The following SLC39A11 variants were observed in gnomAD, a reference collection of about 807,000 sequenced individuals.
The protein encoded by SLC39A11 is zinc transporter ZIP11.
Under a neutral mutation model 36.1 loss-of-function variants are expected in SLC39A11, and 33 were observed. The ratio of observed to expected loss-of-function variants is 0.91; its 90% CI spans 0.69 to 1.22. The LOEUF (loss-of-function observed/expected upper bound fraction) is 1.22, where lower values mean the gene tolerates loss of function less well. Ranked by LOEUF, SLC39A11 falls within the 50% of genes most tolerant of loss-of-function variation. The probability of loss-of-function intolerance (pLI) is 0.00; values close to 1 mark genes in which losing one functional copy is unlikely to be tolerated. For missense variants in SLC39A11, 432 were observed against 430.3 expected (o/e 1.00, Z -0.03); for synonymous variants, 166 against 170.3 (o/e 0.97, Z 0.20).
chr17:72,917,904 A>G (rs994516264), intron 5 of SLC39A11, among the ~76,000 whole-genome samples: 19 of 152,348 alleles, frequency 1.2e-4, no homozygotes, highest in African/African-American at 4.1e-4. Flanking sequence ...AAGGTCTCTG[A>G]TGAGGTGAGG....
chr17:72,895,115 G>A (rs1331013872), intron 5 of SLC39A11, among the ~76,000 whole-genome samples: 3 of 152,206 alleles, frequency 2.0e-5, no homozygotes, highest in African/African-American at 4.8e-5. Flanking sequence ...TAGTCGCATT[G>A]GTGGGTGCTA....
intron 5 of SLC39A11, among the ~76,000 whole-genome samples, chr17:72,916,789 C>T (rs746764279): frequency 1.4e-4 from 22 of 152,252 alleles, no homozygotes; most frequent in Admixed American, 2.6e-4. Context: ...TCCCCATCTC[C>T]CTCCGCACCT....
chr17:72,985,408 T>TTTTTTA (rs386386575), intron 4 of SLC39A11, among the ~76,000 whole-genome samples: 7 of 51,394 alleles, frequency 1.4e-4, no homozygotes, highest in Admixed American at 1.1e-3. Flanking sequence ...GGGGCCTGCC[T>TTTTTTA]TTTTTTTTTT....
intron 5 of SLC39A11, among the ~76,000 whole-genome samples, chr17:72,946,074 C>G (rs1211113911): frequency 6.6e-6 from 1 of 152,160 alleles, no homozygotes; most frequent in African/African-American, 2.4e-5. Context: ...ACAGAAAAGG[C>G]CTGTGGCCTT....
chr17:72,827,074 T>G (rs557659105), intron 6 of SLC39A11, among the ~76,000 whole-genome samples: 1 of 152,360 alleles, frequency 6.6e-6, no homozygotes, highest in African/African-American at 2.4e-5. Flanking sequence ...CTATTCATAA[T>G]AGTCCAACAG....
intron 7 of SLC39A11, among the ~76,000 whole-genome samples, chr17:72,662,848 C>CA (rs1435678529): frequency 2.0e-5 from 3 of 152,090 alleles, no homozygotes; most frequent in Admixed American, 2.0e-4. Flanking sequence ...GAAAGACAGG[C>CA]ACACACATCC....
intron 5 of SLC39A11, among the ~76,000 whole-genome samples, chr17:72,877,251 G>A (rs1041612160): frequency 3.9e-5 from 6 of 152,204 alleles, no homozygotes; most frequent in Non-Finnish European, 7.3e-5. Context: ...AAAAGGCTTT[G>A]TGATCAAATG....
intron 7 of SLC39A11, among the ~76,000 whole-genome samples, chr17:72,676,291 C>A (rs1181100297): frequency 6.6e-6 from 1 of 152,056 alleles, no homozygotes; most frequent in Non-Finnish European, 1.5e-5. Flanking sequence ...GGGAGGGACC[C>A]CAGCCCCTGA....
chr17:72,984,167 C>CA (rs1488573365), intron 4 of SLC39A11, among the ~76,000 whole-genome samples: 28 of 151,992 alleles, frequency 1.8e-4, no homozygotes, highest in African/African-American at 3.6e-4. Context: ...CTATCAGCAG[C>CA]AAAAAAACCC....
At chr17:73,025,234 G>C (rs1418017701) in intron 4 of SLC39A11, among the ~76,000 whole-genome samples, 1 of 152,158 alleles carries the variant, frequency 6.6e-6, no homozygotes, top group East Asian at 1.9e-4. Context: ...AGTCCACGTG[G>C]AGGAGACAGC....
intron 6 of SLC39A11, among the ~76,000 whole-genome samples, chr17:72,832,451 G>C (rs762553679): frequency 1.3e-5 from 2 of 152,156 alleles, no homozygotes; most frequent in Non-Finnish European, 2.9e-5. Context: ...TTATCTCCGT[G>C]TCAAGGAGAA....
At chr17:72,740,301 G>A (rs1444625326) in intron 6 of SLC39A11, among the ~76,000 whole-genome samples, 3 of 151,924 alleles carry the variant, frequency 2.0e-5, no homozygotes, top group Non-Finnish European at 2.9e-5. Flanking sequence ...TCCTGACCTC[G>A]TGATCTGCCC....
At position 72,853,397 on chromosome 17, in the gene SLC39A11, G is replaced by A. The variant is rs559616405; in HGVS notation, c.431-3593C>T. Among the ~76,000 whole-genome samples the A allele has an allele frequency of 2.0e-5, 3 of 152,018 alleles. No individual in the cohort carries two copies. In the East Asian group the frequency reaches 5.8e-4, roughly 29 times the overall value. On this transcript the variant is annotated intron_variant, in intron 5 of 9. Transcript: ENST00000255559. ...CACACAAATTCCCTCAAATCTAAGG[G>A]GCTAAACACACACTCTAACAATCAC...
chr17:72,968,860 C>CT (rs1298998655), intron 4 of SLC39A11, among the ~76,000 whole-genome samples: 10 of 151,998 alleles, frequency 6.6e-5, no homozygotes, highest in South Asian at 2.1e-4. Context: ...ATTTTTTATT[C>CT]TTTTTTTTCT....
chr17:73,061,853 G>A (rs1040683506), intron 3 of SLC39A11, among the ~76,000 whole-genome samples: 7 of 152,178 alleles, frequency 4.6e-5, no homozygotes, highest in East Asian at 1.9e-4. Flanking sequence ...AAAATTAGCC[G>A]GGTGTAGTGG....
chr17:72,911,970 T>C (rs1420173168), intron 5 of SLC39A11, among the ~76,000 whole-genome samples: 3 of 151,948 alleles, frequency 2.0e-5, no homozygotes, highest in Admixed American at 6.6e-5. Flanking sequence ...TAACAAGCAG[T>C]TGAAAATGCA....
At chr17:72,868,618 C>CAAAAAAAAAAAAA (rs71354894) in intron 5 of SLC39A11, among the ~76,000 whole-genome samples, 57 of 56,486 alleles carry the variant, frequency 1.0e-3, no homozygotes, top group Non-Finnish European at 1.4e-3. Context: ...CCTGTCTCTA[C>CAAAAAAAAAAAAA]AAAAAAAAAA....
intron 5 of SLC39A11, among the ~76,000 whole-genome samples, chr17:72,880,242 T>G (rs1186383344): frequency 6.6e-6 from 1 of 152,208 alleles, no homozygotes; most frequent in Non-Finnish European, 1.5e-5. Context: ...GACAGCAAAG[T>G]ACGCCCCACT....
chr17:72,936,748 G>A (rs1408363522), intron 5 of SLC39A11, among the ~76,000 whole-genome samples: 3 of 129,434 alleles, frequency 2.3e-5, no homozygotes, highest in African/African-American at 6.0e-5. Flanking sequence ...CATAGGAGGT[G>A]GGGGGTAGGG....
Sources: gnomAD v4.1 joint callset for allele counts (sites outside exome capture counted in the v4.1 genomes callset) on GRCh38, gnomAD v4.1.1 for gene constraint, MANE v1.5 for transcripts, NCBI Gene and HGNC (gene_info 2026-07-23, HGNC 2026-07-21) for gene names.